The following CMSS1 variants were observed in gnomAD, a reference collection of about 807,000 sequenced individuals.
CMSS1 encodes cms1 ribosomal small subunit homolog.
A neutral mutation model predicts 43.5 loss-of-function variants in CMSS1; 33 were observed. The ratio of observed to expected loss-of-function variants is 0.76; its 90% confidence interval spans 0.57 to 1.01. The LOEUF (loss-of-function observed/expected upper bound fraction) is 1.01, where lower values mean the gene tolerates loss of function less well. Ranked by LOEUF, CMSS1 falls within the 50% of genes least tolerant of loss-of-function variation. The probability of loss-of-function intolerance (pLI) is 0.00; values close to 1 mark genes in which losing one functional copy is unlikely to be tolerated. For missense variants in CMSS1, 313 were observed against 326.4 expected (o/e 0.96, Z 0.32); for synonymous variants, 115 against 117.2 (o/e 0.98, Z 0.12).
intron 3 of CMSS1, among the ~76,000 whole-genome samples, chr3:100,161,006 T>A (rs138430196): frequency 1.3e-5 from 2 of 152,318 alleles, no homozygotes; most frequent in Non-Finnish European, 2.9e-5. Flanking sequence ...ACCTTGCATT[T>A]TGATATTTGC....
chr3:99,920,596 G>A (rs1384755408), intron 1 of CMSS1, among the ~76,000 whole-genome samples: 1 of 152,208 alleles, frequency 6.6e-6, no homozygotes, highest in East Asian at 1.9e-4. Context: ...AAACCGCACA[G>A]ATTACAGCTA....
chr3:99,848,133 T>C, intron 1 of CMSS1: 3 of 1,485,752 alleles, frequency 2.0e-6, no homozygotes, highest in Non-Finnish European at 2.7e-6. Flanking sequence ...AACAGTTAGT[T>C]TCAGATACTC....
At chr3:100,081,972 G>A (rs114439318) in intron 1 of CMSS1, among the ~76,000 whole-genome samples, 2,603 of 152,204 alleles carry the variant, frequency 0.017, 82 homozygotes, top group African/African-American at 0.058. Flanking sequence ...TTTTAGAGTA[G>A]GAGGTATGGC....
chr3:100,031,349 TG>T (rs944166236), intron 1 of CMSS1, among the ~76,000 whole-genome samples: 1 of 152,080 alleles, frequency 6.6e-6, no homozygotes, highest in African/African-American at 2.4e-5. Flanking sequence ...CCAATAGAAA[TG>T]TTTCCAAAGT....
chr3:99,837,119 A>G (rs1268420057), intron 1 of CMSS1, among the ~76,000 whole-genome samples: 1 of 152,206 alleles, frequency 6.6e-6, no homozygotes, highest in African/African-American at 2.4e-5. Context: ...TCTGTAATTA[A>G]TACATACTCT....
At chr3:100,139,751 C>G (rs902260128) in intron 1 of CMSS1, among the ~76,000 whole-genome samples, 1 of 146,290 alleles carries the variant, frequency 6.8e-6, no homozygotes, top group Non-Finnish European at 1.5e-5. Context: ...TAGCTGAGAT[C>G]GCGCCATTGC....
At chr3:99,960,892 T>C (rs1009872435) in intron 1 of CMSS1, among the ~76,000 whole-genome samples, 1 of 152,238 alleles carries the variant, frequency 6.6e-6, no homozygotes, top group African/African-American at 2.4e-5. Context: ...ATGTACTCTG[T>C]GTGTTTGGCA....
chr3:99,960,081 T>C (rs938092746), intron 1 of CMSS1, among the ~76,000 whole-genome samples: 1 of 152,216 alleles, frequency 6.6e-6, no homozygotes, highest in Admixed American at 6.5e-5. Flanking sequence ...CTCAATGTTA[T>C]AACGATTGGC....
At chr3:100,134,022 T>A (rs1365010869) in intron 1 of CMSS1, among the ~76,000 whole-genome samples, 1 of 152,186 alleles carries the variant, frequency 6.6e-6, no homozygotes, top group African/African-American at 2.4e-5. Context: ...TTAACAGAAG[T>A]ACTGTGTTTT....
intron 1 of CMSS1, among the ~76,000 whole-genome samples, chr3:99,905,625 A>G (rs1358733482): frequency 2.0e-5 from 3 of 152,346 alleles, no homozygotes; most frequent in Non-Finnish European, 2.9e-5. Context: ...TGTGTACTAT[A>G]TAGTCTCTAT....
chr3:99,848,380 G>T (rs756852166), intron 1 of CMSS1: 1 of 1,614,154 alleles, frequency 6.2e-7, no homozygotes, highest in South Asian at 1.1e-5. Context: ...TTTGTTTAGT[G>T]CCCCGTTAAT....
intron 1 of CMSS1, among the ~76,000 whole-genome samples, chr3:100,105,632 A>C (rs1195848690): frequency 6.6e-6 from 1 of 152,182 alleles, no homozygotes; most frequent in Non-Finnish European, 1.5e-5. Context: ...ATTCTGAGTT[A>C]ATAGGCTGAG....
intron 1 of CMSS1, among the ~76,000 whole-genome samples, chr3:100,146,083 C>T (rs908779418): frequency 6.6e-6 from 1 of 152,162 alleles, no homozygotes; most frequent in African/African-American, 2.4e-5. Flanking sequence ...CAGAGAAACT[C>T]AAGGGAATGA....
chr3:99,950,278 A>T (rs1409096850), intron 1 of CMSS1, among the ~76,000 whole-genome samples: 1 of 152,212 alleles, frequency 6.6e-6, no homozygotes, highest in African/African-American at 2.4e-5. Context: ...GAAAAGGATG[A>T]TAGTTATACC....
At chr3:100,008,586 T>C (rs556381223) in intron 1 of CMSS1, among the ~76,000 whole-genome samples, 2 of 152,298 alleles carry the variant, frequency 1.3e-5, no homozygotes, top group African/African-American at 4.8e-5. Context: ...AGAAGGACAA[T>C]AGCAAAGACA....
intron 1 of CMSS1, among the ~76,000 whole-genome samples, chr3:99,877,735 A>G (rs1466629672): frequency 6.6e-6 from 1 of 152,168 alleles, no homozygotes; most frequent in Non-Finnish European, 1.5e-5. Flanking sequence ...CATACTTATT[A>G]AATATCCTTT....
chr3:100,003,941 A>T (rs1709915004), intron 1 of CMSS1, among the ~76,000 whole-genome samples: 1 of 152,220 alleles, frequency 6.6e-6, no homozygotes, highest in Non-Finnish European at 1.5e-5. Flanking sequence ...CTCAGGTTGT[A>T]TTCAATGAGT....
intron 1 of CMSS1, among the ~76,000 whole-genome samples, chr3:99,943,523 G>A (rs1275884416): frequency 1.3e-5 from 2 of 152,234 alleles, no homozygotes; most frequent in African/African-American, 4.8e-5. Context: ...GACCAATATG[G>A]TGAAACCCCA....
At chr3:99,964,823 C>A (rs1476302281) in intron 1 of CMSS1, among the ~76,000 whole-genome samples, 1 of 152,184 alleles carries the variant, frequency 6.6e-6, no homozygotes, top group African/African-American at 2.4e-5. Flanking sequence ...ACACACCTCT[C>A]ATCTACTATG....
Sources: gnomAD v4.1 joint callset for allele counts (sites outside exome capture counted in the v4.1 genomes callset) on GRCh38, gnomAD v4.1.1 for gene constraint, MANE v1.5 for transcripts, NCBI Gene and HGNC (gene_info 2026-07-23, HGNC 2026-07-21) for gene names.